Variants in KCNT2 observed in about 807,000 individuals in gnomAD.
KCNT2 encodes potassium channel subfamily T member 2.
Under a neutral mutation model 153.8 loss-of-function variants are expected in KCNT2, and 67 were observed. That is an observed-to-expected ratio of 0.44 (90% CI 0.36 to 0.53). The LOEUF (loss-of-function observed/expected upper bound fraction) is 0.53. KCNT2 is among the 20% of genes least tolerant of loss of function. KCNT2 has a pLI of 0.00. For missense variants in KCNT2, 975 were observed against 1,354.8 expected (o/e 0.72, Z 4.40); for synonymous variants, 500 against 458.8 (o/e 1.09, Z -1.15).
chr1:196,451,743 G>C (rs1676225820), intron 8 of KCNT2, among the ~76,000 whole-genome samples: 1 of 151,728 alleles, frequency 6.6e-6, no homozygotes. Context: ...TTAGGGGAAT[G>C]AAGGAACTAA....
chr1:196,245,707 G>C (rs1162340769), intron 26 of KCNT2, among the ~76,000 whole-genome samples: 5 of 152,130 alleles, frequency 3.3e-5, no homozygotes. Flanking sequence ...TTCTAGAGTT[G>C]AAAAATGCAA....
chr1:196,427,456 A>C (rs572160542), intron 10 of KCNT2, among the ~76,000 whole-genome samples: 1 of 152,170 alleles, frequency 6.6e-6, no homozygotes, highest in African/African-American at 2.4e-5. Flanking sequence ...CCTTCAACAG[A>C]CTAAGTGCAG....
At chr1:196,432,383 G>A (rs1053846732) in intron 8 of KCNT2, among the ~76,000 whole-genome samples, 12 of 152,104 alleles carry the variant, frequency 7.9e-5, no homozygotes, top group Admixed American at 3.3e-4. Context: ...TCAGCAGCAT[G>A]AAATGCCAGT....
At chr1:196,318,320 G>A (rs1009455617) in intron 20 of KCNT2, among the ~76,000 whole-genome samples, 2 of 151,654 alleles carry the variant, frequency 1.3e-5, no homozygotes, top group African/African-American at 4.8e-5. Context: ...CAAAAGAGGA[G>A]AATTGTTAGA....
intron 12 of KCNT2, among the ~76,000 whole-genome samples, chr1:196,405,336 C>T (rs968570830): frequency 2.0e-5 from 3 of 151,394 alleles, no homozygotes; most frequent in African/African-American, 7.3e-5. Flanking sequence ...TGGGACACTA[C>T]CACATCATCT....
At position 196,342,093 on chromosome 1, in the gene KCNT2, G is replaced by A; in HGVS notation, c.1539C>T (p.Phe513=). 1 of 1,600,480 alleles carries A rather than the reference G, an allele frequency of 6.2e-7. No homozygotes were observed. The highest frequency in any genetic ancestry group is 1.1e-5 in the South Asian group (1 of 88,418). ...CAGAAACATACTTTTTGTGTGCATG[G>A]AAAGAGGCATATGTAAAACTCTTTC... ...YEGKSFTYAS[F]HAHKKFGVCL... Residue 513 remains phenylalanine (F), a synonymous_variant, in exon 15 of 28, where the codon TTC becomes TTT. Transcript: ENST00000294725.
chr1:196,333,788 T>C (rs1664721088), intron 17 of KCNT2, 59 bp downstream of exon 17: 1 of 996,976 alleles, frequency 1.0e-6, no homozygotes, highest in East Asian at 2.5e-5. Context: ...GTAAAGAAAA[T>C]ACTTAAGGAC....
intron 1 of KCNT2, among the ~76,000 whole-genome samples, chr1:196,553,434 G>T (rs1658218329): frequency 6.6e-6 from 1 of 150,624 alleles, no homozygotes; most frequent in Non-Finnish European, 1.5e-5. Flanking sequence ...AAGAAACATA[G>T]GACTTAATGT....
At chr1:196,302,809 T>C (rs1445387401) in intron 22 of KCNT2, among the ~76,000 whole-genome samples, 2 of 152,076 alleles carry the variant, frequency 1.3e-5, no homozygotes, top group Admixed American at 6.6e-5. Context: ...TTTTAAATTT[T>C]TAAGTTTCTG....
chr1:196,261,223 T>A (rs748907870), intron 25 of KCNT2, among the ~76,000 whole-genome samples: 1 of 151,932 alleles, frequency 6.6e-6, no homozygotes, highest in Non-Finnish European at 1.5e-5. Context: ...AGAGTCACAA[T>A]GATAGAGTGG....
chr1:196,489,780 T>A, intron 3 of KCNT2, 58 bp downstream of exon 3: 1 of 926,800 alleles, frequency 1.1e-6, no homozygotes, highest in Non-Finnish European at 1.7e-6. Flanking sequence ...ATTTAAAATG[T>A]GATACAACTC....
chr1:196,419,638 T>C (rs1206607055), intron 12 of KCNT2, among the ~76,000 whole-genome samples: 1 of 151,876 alleles, frequency 6.6e-6, no homozygotes, highest in African/African-American at 2.4e-5. Flanking sequence ...ACTTTCTTAC[T>C]AGACCAAACT....
intron 1 of KCNT2, among the ~76,000 whole-genome samples, chr1:196,548,748 A>G (rs1291939329): frequency 6.6e-6 from 1 of 152,120 alleles, no homozygotes; most frequent in Non-Finnish European, 1.5e-5. Flanking sequence ...AACACTTGGA[A>G]CCAACCCAAA....
At chr1:196,288,144 A>AT (rs1050257738) in intron 22 of KCNT2, among the ~76,000 whole-genome samples, 2 of 151,764 alleles carry the variant, frequency 1.3e-5, no homozygotes, top group South Asian at 4.2e-4. Flanking sequence ...AAATAAATAA[A>AT]AAATAAAAAA....
At chr1:196,401,788 T>C (rs1381930816) in intron 12 of KCNT2, among the ~76,000 whole-genome samples, 3 of 151,602 alleles carry the variant, frequency 2.0e-5, no homozygotes, top group Non-Finnish European at 4.4e-5. Context: ...AAATAATGAC[T>C]AGAAACTTTT....
chr1:196,430,277 C>T (rs2148544984), intron 8 of KCNT2, among the ~76,000 whole-genome samples: 1 of 152,036 alleles, frequency 6.6e-6, no homozygotes, highest in Middle Eastern at 3.4e-3. Flanking sequence ...TTGTACCACA[C>T]TAAAAGGTGA....
intron 8 of KCNT2, among the ~76,000 whole-genome samples, chr1:196,434,613 C>G (rs1674457300): frequency 6.6e-6 from 1 of 151,904 alleles, no homozygotes; most frequent in South Asian, 2.1e-4. Flanking sequence ...TAGCTGCCAA[C>G]AAATGAAGTC....
At chr1:196,325,443 A>G (rs1663748677) in intron 19 of KCNT2, among the ~76,000 whole-genome samples, 1 of 152,106 alleles carries the variant, frequency 6.6e-6, no homozygotes. Flanking sequence ...ACACATTTGA[A>G]CTCACACAGT....
rs575861544 is a variant in KCNT2, at chr1:196,520,154, A to T, written c.96-27813T>A. On this transcript the variant is annotated intron_variant, in intron 1 of 27. Transcript: ENST00000294725. ...CTGGGATTCAAGGTTGGTTTAACGT[A>T]TGTAAATCAATAAATGTCATACATC... 4.4e-4 allele frequency among the ~76,000 whole-genome samples: 67 copies of T among 152,338 alleles called. No homozygotes were observed. In the Middle Eastern group the frequency reaches 0.01, roughly 23 times the overall value.
Sources: allele counts gnomAD v4.1 joint callset (sites outside exome capture counted in the v4.1 genomes callset), GRCh38; gene constraint gnomAD v4.1.1; transcripts MANE v1.5; gene names NCBI Gene and HGNC (gene_info 2026-07-23, HGNC 2026-07-21).